Variants in ELF1 observed in about 807,000 individuals in gnomAD.
ELF1 encodes E74 like ETS transcription factor 1, also known as ETS-related transcription factor Elf-1.
ELF1 carries 24 observed loss-of-function variants against 59.9 expected under a neutral mutation model. The observed-to-expected ratio is 0.40, with a 90% CI of 0.29 to 0.56. The LOEUF is 0.56. Ranked by LOEUF, ELF1 falls within the 20% of genes least tolerant of loss-of-function variation. The pLI is 0.44. For synonymous variants in ELF1, 248 were observed against 266.2 expected (o/e 0.93, Z 0.67); for missense variants, 627 against 742.2 (o/e 0.84, Z 1.80).
chr13:40,958,717 C>T, intron 3 of ELF1, 119 bp downstream of exon 3: 2 of 1,335,440 alleles, frequency 1.5e-6, no homozygotes, highest in Non-Finnish European at 9.7e-7. Context: ...GCTGTAGTTT[C>T]TGAAGGTAAT....
intron 1 of ELF1, among the ~76,000 whole-genome samples, chr13:40,995,051 T>C (rs1874060864): frequency 6.6e-6 from 1 of 152,294 alleles, no homozygotes; most frequent in South Asian, 2.1e-4. Context: ...CATAACTCTC[T>C]TCTGGTAGAA....
chr13:41,034,358 A>G (rs1032046922), intron 1 of ELF1, among the ~76,000 whole-genome samples: 3 of 152,226 alleles, frequency 2.0e-5, no homozygotes, highest in Admixed American at 1.3e-4. Flanking sequence ...CTTAGTTTTC[A>G]TCACTATACT....
chr13:40,955,576 C>T (rs1169858216), intron 3 of ELF1, among the ~76,000 whole-genome samples: 1 of 65,468 alleles, frequency 1.5e-5, no homozygotes, highest in Admixed American at 1.3e-4. Context: ...CCCGGCCAGC[C>T]GCCCCGTCCG....
chr13:40,989,253 T>C (rs1329127401), intron 1 of ELF1, among the ~76,000 whole-genome samples: 1 of 152,224 alleles, frequency 6.6e-6, no homozygotes, highest in Non-Finnish European at 1.5e-5. Flanking sequence ...TCTCAGCTCC[T>C]GCTTTCTCTA....
chr13:40,950,074 T>C (rs1870757626), intron 4 of ELF1, 101 bp from the exon 5 acceptor site: 2 of 1,113,664 alleles, frequency 1.8e-6, no homozygotes, highest in South Asian at 1.9e-5. Flanking sequence ...AAGATTAAAG[T>C]AGAAATAAAA....
intron 1 of ELF1, among the ~76,000 whole-genome samples, chr13:41,003,437 G>T (rs1874577587): frequency 7.2e-6 from 1 of 138,340 alleles, no homozygotes; most frequent in South Asian, 2.6e-4. Flanking sequence ...TAGATTTATT[G>T]TTTAAAAAGA....
At chr13:40,979,137 GT>G (rs1165832167) in intron 2 of ELF1, among the ~76,000 whole-genome samples, 3 of 151,494 alleles carry the variant, frequency 2.0e-5, no homozygotes, top group Non-Finnish European at 4.4e-5. Flanking sequence ...AAGAATATTT[GT>G]ATTTATATTT....
chr13:40,968,968 C>T (rs182197071), intron 2 of ELF1, among the ~76,000 whole-genome samples: 2 of 152,230 alleles, frequency 1.3e-5, no homozygotes, highest in South Asian at 2.1e-4. Flanking sequence ...AGTCCATCTG[C>T]CTCAGCCTCC....
chr13:40,952,175 C>G (rs114182234), intron 3 of ELF1, among the ~76,000 whole-genome samples: 125 of 152,226 alleles, frequency 8.2e-4, no homozygotes, highest in African/African-American at 2.9e-3. Flanking sequence ...ATTTTGCCAA[C>G]TATATTCCTA....
intron 2 of ELF1, 68 bp from the exon 3 acceptor site, chr13:40,959,084 G>A: frequency 1.3e-6 from 2 of 1,493,678 alleles, no homozygotes; most frequent in Non-Finnish European, 8.9e-7. Flanking sequence ...GTTAAATAAT[G>A]CTCAAAACTA....
At chr13:40,984,334 G>A (rs1301774386) in intron 1 of ELF1, among the ~76,000 whole-genome samples, 1 of 152,086 alleles carries the variant, frequency 6.6e-6, no homozygotes, top group Non-Finnish European at 1.5e-5. Context: ...CAGGCTGGTG[G>A]GGAAGGAGTC....
chr13:40,988,864 G>A (rs548388625), intron 1 of ELF1, among the ~76,000 whole-genome samples: 127 of 152,170 alleles, frequency 8.3e-4, no homozygotes, highest in Admixed American at 1.9e-3. Flanking sequence ...GCAGTGGCAC[G>A]ATCTCAGCTC....
intron 1 of ELF1, among the ~76,000 whole-genome samples, chr13:40,993,696 G>A (rs1465159377): frequency 6.6e-6 from 1 of 151,886 alleles, no homozygotes; most frequent in Non-Finnish European, 1.5e-5. Flanking sequence ...TCTTGTTGAG[G>A]CTGATCTCAA....
chr13:40,971,793 T>C (rs532660129), intron 2 of ELF1, among the ~76,000 whole-genome samples: 135 of 152,330 alleles, frequency 8.9e-4, no homozygotes, highest in African/African-American at 2.6e-3. Context: ...TAAATTACAA[T>C]TTGGCCATAC....
At chr13:40,985,553 G>A (rs574193381) in intron 1 of ELF1, among the ~76,000 whole-genome samples, 19 of 152,228 alleles carry the variant, frequency 1.2e-4, no homozygotes, top group African/African-American at 1.7e-4. Flanking sequence ...TTAAGTAAAC[G>A]CATATGTAAA....
At chr13:41,042,225 GCA>G (rs1347759007) in intron 1 of ELF1, among the ~76,000 whole-genome samples, 1 of 151,806 alleles carries the variant, frequency 6.6e-6, no homozygotes, top group Non-Finnish European at 1.5e-5. Context: ...GTTTCACTTT[GCA>G]CAGTTTTAAC....
In ELF1 at chr13:40,933,930, A is replaced by G. The variant is rs540284464; in HGVS notation, c.1355T>C (p.Ile452Thr). The change falls in exon 9 of 9, where the codon ATA (isoleucine) becomes ACA (threonine). Residue 452 changes from isoleucine (I) to threonine (T), a missense_variant. By Grantham distance (89) the Ile-to-Thr change is moderately conservative. Around this residue, in one of 3 missense-constraint regions of ELF1, gnomAD observed 361 missense variants for 396.1 expected, o/e 0.91. Coordinates refer to ENST00000239882, the MANE Select transcript of ELF1 (RefSeq NM_172373.4). ...TLQTVPLTTV[I>T]ASTDPSAGTG... ...ACCTGCTGATGGATCTGTGCTGGCT[A>G]TAACTGTTGTGAGTGGCACTGTTTG... The G allele has an allele frequency of 1.9e-5, 30 of 1,614,142 alleles. No individual in the cohort carries two copies. The highest frequency in any genetic ancestry group is 2.7e-5 in the African/African-American group (2 of 74,942).
Position 40,932,029 on chromosome 13 carries a change from G to A in ELF1, c.*1396C>T, listed in dbSNP as rs1026431922. On this transcript the variant is annotated 3_prime_UTR_variant, in exon 9 of 9. Coordinates refer to ENST00000239882, the MANE Select transcript of ELF1 (RefSeq NM_172373.4). ...AAACTTTTGCCTGAAAACAGACACT[G>A]AGAATTTTTATATGATTTATTTAAT... 7 of 152,046 alleles carry A rather than the reference G, an allele frequency of 4.6e-5. No homozygotes were observed. Among genetic ancestry groups the A allele is most frequent in the Admixed American group, 2.0e-4 (3 of 15,262 alleles). The allele number at this position is 152,046 out of a possible 1,614,324, so 9.4% of individuals were successfully genotyped here.
At chr13:40,952,320 T>A (rs1424390197) in intron 3 of ELF1, among the ~76,000 whole-genome samples, 1 of 151,952 alleles carries the variant, frequency 6.6e-6, no homozygotes, top group East Asian at 1.9e-4. Context: ...GCTCAAAATA[T>A]AATCTAAGCC....
Sources: gnomAD v4.1 joint callset for allele counts (sites outside exome capture counted in the v4.1 genomes callset) on GRCh38, gnomAD v4.1.1 for gene constraint, gnomAD v4.1.1 regional missense constraint, MANE v1.5 for transcripts, NCBI Gene and HGNC (gene_info 2026-07-23, HGNC 2026-07-21) for gene names.